GPHN: variants seen among roughly 807,000 people sequenced by gnomAD.
GPHN encodes gephyrin.
In GPHN, 17 loss-of-function variants were observed where a neutral mutation model predicts 95.5. The ratio of observed to expected loss-of-function variants is 0.18; its 90% CI spans 0.12 to 0.27. The LOEUF is 0.27. GPHN is among the 10% of genes least tolerant of loss of function. The pLI is 1.00. For missense variants in GPHN, 660 were observed against 978.1 expected (o/e 0.67, Z 4.34); for synonymous variants, 320 against 322.5 (o/e 0.99, Z 0.08).
chr14:67,047,318 TTGTGTGTGTGTGTGTTTGTG>T (rs1256763461), intron 10 of GPHN, among the ~76,000 whole-genome samples: 43 of 132,946 alleles, frequency 3.2e-4, no homozygotes, highest in South Asian at 1.0e-3. Context: ...TTCATTTATT[TTGTGTGTGTGTGTGTTTGTG>T]TGTGTGTGTG....
At chr14:67,493,750 T>C in the GPHN span, among the ~76,000 whole-genome samples, 9 of 152,194 alleles carry the variant, frequency 5.9e-5, no homozygotes, top group Non-Finnish European at 1.3e-4. Context: ...CCTGAGATTC[T>C]TGTTGGAATG....
chr14:67,266,964 C>T, the GPHN span, among the ~76,000 whole-genome samples: 2 of 151,696 alleles, frequency 1.3e-5, no homozygotes, highest in African/African-American at 4.8e-5. Flanking sequence ...ACAAAATTAG[C>T]CAGGCGTGGT....
At chr14:67,397,716 G>A in the GPHN span, 1 of 1,613,460 alleles carries the variant, frequency 6.2e-7, no homozygotes, top group Non-Finnish European at 8.5e-7. Context: ...CATCCAGGAG[G>A]ATCCGGCCCT....
In GPHN at chr14:66,508,503, C is replaced by T; in HGVS notation, c.-25C>T. On this transcript the variant is annotated 5_prime_UTR_variant, in exon 1 of 23. Transcript: ENST00000478722. ...GGCTCCGGTTTCTCCCGGCTCCTGT[C>T]AGTGCGGTGACTGCGCTGGGAAACA... The T allele has an allele frequency of 6.2e-7, 1 of 1,611,570 alleles. No individual in the cohort carries two copies. Among genetic ancestry groups the T allele is most frequent in the Non-Finnish European group, 8.5e-7 (1 of 1,177,674 alleles).
the GPHN span, chr14:67,726,089 G>A: frequency 5.0e-6 from 8 of 1,614,076 alleles, no homozygotes; most frequent in East Asian, 1.8e-4. Flanking sequence ...CAATGCGGGA[G>A]TAATGATGTG....
chr14:66,965,788 A>C (rs755088278), intron 9 of GPHN, among the ~76,000 whole-genome samples: 9 of 152,298 alleles, frequency 5.9e-5, no homozygotes, highest in Non-Finnish European at 1.0e-4. Flanking sequence ...TCATCTTGGA[A>C]TGTTGCTGCC....
the GPHN span, among the ~76,000 whole-genome samples, chr14:67,402,148 ACAT>A: frequency 2.4e-4 from 37 of 152,278 alleles, no homozygotes; most frequent in African/African-American, 7.9e-4. Context: ...AACAACAACA[ACAT>A]CAACAAAAAT....
intron 1 of GPHN, among the ~76,000 whole-genome samples, chr14:66,523,190 T>G (rs530025097): frequency 9.2e-5 from 14 of 152,188 alleles, no homozygotes; most frequent in African/African-American, 3.4e-4. Flanking sequence ...TGAAAATAAA[T>G]GTCTGTTACT....
intron 3 of GPHN, among the ~76,000 whole-genome samples, chr14:66,807,347 T>G (rs2060586306): frequency 6.6e-6 from 1 of 152,112 alleles, no homozygotes; most frequent in Non-Finnish European, 1.5e-5. Flanking sequence ...ACATATGCAG[T>G]AGGTATAATT....
chr14:67,438,337 G>A, the GPHN span, among the ~76,000 whole-genome samples: 2 of 152,354 alleles, frequency 1.3e-5, no homozygotes, highest in Non-Finnish European at 2.9e-5. Context: ...CCCAGCTGGT[G>A]TGGGCTTCTC....
At chr14:66,960,546 AG>A (rs1214021919) in intron 8 of GPHN, among the ~76,000 whole-genome samples, 1 of 152,034 alleles carries the variant, frequency 6.6e-6, no homozygotes, top group African/African-American at 2.4e-5. Flanking sequence ...GTGGTCAGCT[AG>A]TGATTTGACA....
At chr14:67,348,775 C>T in the GPHN span, 5 of 315,100 alleles carry the variant, frequency 1.6e-5, no homozygotes, top group African/African-American at 1.1e-4. Flanking sequence ...CCACCTCGGC[C>T]TCCCAAAGTG....
At chr14:67,568,456 G>A in the GPHN span, among the ~76,000 whole-genome samples, 10 of 152,188 alleles carry the variant, frequency 6.6e-5, no homozygotes, top group South Asian at 2.1e-4. Flanking sequence ...GGATGGTGGC[G>A]GTGGGGGAGT....
the GPHN span, chr14:67,587,471 A>C: frequency 1.8e-6 from 1 of 556,780 alleles, no homozygotes; most frequent in South Asian, 2.0e-5. Context: ...TTTTCATAAG[A>C]ATAATGACTC....
chr14:66,776,115 C>A (rs1257771296), intron 2 of GPHN, among the ~76,000 whole-genome samples: 1 of 152,078 alleles, frequency 6.6e-6, no homozygotes, highest in African/African-American at 2.4e-5. Flanking sequence ...GCTATGATTT[C>A]TTTCTTAAAA....
At chr14:66,768,000 A>AG (rs1438035519) in intron 2 of GPHN, among the ~76,000 whole-genome samples, 3 of 152,032 alleles carry the variant, frequency 2.0e-5, no homozygotes, top group Non-Finnish European at 4.4e-5. Context: ...AATAGTACAC[A>AG]AATGAAAATT....
intron 1 of GPHN, among the ~76,000 whole-genome samples, chr14:66,663,030 G>A (rs1239746837): frequency 6.6e-6 from 1 of 152,082 alleles, no homozygotes. Flanking sequence ...TGAGAAGAAT[G>A]GAACCAACTT....
rs778324622 is a variant in GPHN at position 67,180,826 on chromosome 14, G to A, written c.2199G>A (p.Leu733=). The change falls in exon 23 of 23, where the codon CTG becomes CTA. Residue 733 remains leucine (L), a synonymous_variant. Coordinates refer to ENST00000478722, the MANE Select transcript of GPHN (RefSeq NM_020806.5). ...QSTGNQMSSR[L]MSMRSANGLL... Reference sequence around the variant, plus strand: ...TAGGTAATCAAATGAGCAGCCGTCTGATGAGCATGCGCAGTGCCAATGGAT... The same window carrying A: ...TAGGTAATCAAATGAGCAGCCGTCTAATGAGCATGCGCAGTGCCAATGGAT... 1 of 1,613,804 alleles carries A rather than the reference G, an allele frequency of 6.2e-7. No individual in the cohort carries two copies. Among genetic ancestry groups the A allele is most frequent in the Non-Finnish European group, 8.5e-7 (1 of 1,179,826 alleles).
the GPHN span, among the ~76,000 whole-genome samples, chr14:67,329,958 A>C: frequency 7.4e-6 from 1 of 134,908 alleles, no homozygotes; most frequent in Non-Finnish European, 1.5e-5. Context: ...TTGTACTCTG[A>C]ATCTGTTCTT....
Sources: gnomAD v4.1 joint callset for allele counts (sites outside exome capture counted in the v4.1 genomes callset) on GRCh38, gnomAD v4.1.1 for gene constraint, MANE v1.5 for transcripts, NCBI Gene and HGNC (gene_info 2026-07-23, HGNC 2026-07-21) for gene names.